The following GCFC2 variants were observed in gnomAD, a reference collection of about 807,000 sequenced individuals.
GCFC2 encodes intron Large complex component GCFC2.
GCFC2 carries 102 observed loss-of-function variants against 99.4 expected under a neutral mutation model. The ratio of observed to expected loss-of-function variants is 1.03; its 90% CI spans 0.87 to 1.21. The LOEUF (loss-of-function observed/expected upper bound fraction) is 1.21. Among genes scored for constraint, GCFC2 ranks in the 50% most tolerant of loss-of-function variants. The probability of loss-of-function intolerance (pLI) is 0.00; values close to 1 mark genes in which losing one functional copy is unlikely to be tolerated. For synonymous variants in GCFC2, 338 were observed against 316.8 expected, an observed-to-expected ratio of 1.07 and a Z score of -0.71; for missense variants, 973 against 920.9, an observed-to-expected ratio of 1.06 and a Z score of -0.73.
chr2:75,705,447 C>A (rs1029554214), intron 2 of GCFC2, among the ~76,000 whole-genome samples: 1 of 151,532 alleles, frequency 6.6e-6, no homozygotes, highest in Non-Finnish European at 1.5e-5. Context: ...CACGGTGAAA[C>A]CCCATCTCTA....
At chr2:75,694,464 A>C in intron 5 of GCFC2, 37 bp from the exon 6 acceptor site, 1 of 830,516 alleles carries the variant, frequency 1.2e-6, no homozygotes. Context: ...TATTTTTCAT[A>C]CTCTTTTAAA....
chr2:75,662,884 T>C lies in GCFC2; in HGVS notation c.*1782A>G, dbSNP rs1678665058. On this transcript the variant is annotated 3_prime_UTR_variant, in exon 17 of 17. Coordinates refer to ENST00000321027, the MANE Select transcript of GCFC2 (RefSeq NM_003203.5). ...AAAAAATTACAAATTTCATGTGCAA[T>C]AAAGTGTCTGCCACTTACGTAAAAA... is the stretch of plus-strand genomic sequence containing the variant. 7.7e-6 allele frequency: 1 copy of C among 130,016 alleles called. No individual in the cohort carries two copies. The highest frequency in any genetic ancestry group is 3.0e-5 in the African/African-American group (1 of 32,868). The allele number at this position is 130,016 out of a possible 1,614,324, so 8.1% of individuals were successfully genotyped here. A position where few individuals can be genotyped will look rare whatever the true frequency, so the allele number is the denominator to read the frequency against.
intron 8 of GCFC2, among the ~76,000 whole-genome samples, 181 bp from the exon 9 acceptor site, chr2:75,690,262 C>T (rs1680004514): frequency 6.6e-6 from 1 of 152,010 alleles, no homozygotes; most frequent in African/African-American, 2.4e-5. Flanking sequence ...TTTTTAGTTT[C>T]ATTAGTTTGA....
At chr2:75,673,213 C>A (rs1679196368) in intron 13 of GCFC2, among the ~76,000 whole-genome samples, 1 of 151,832 alleles carries the variant, frequency 6.6e-6, no homozygotes, top group African/African-American at 2.4e-5. Flanking sequence ...GAGGCTGAGG[C>A]AGGAGAATGG....
intron 9 of GCFC2, 68 bp downstream of exon 9, chr2:75,689,901 A>C: frequency 2.5e-6 from 2 of 814,042 alleles, no homozygotes; most frequent in East Asian, 2.7e-5. Context: ...ATTAAGGGCA[A>C]TCCCAGCAAA....
At chr2:75,672,081 T>A in intron 13 of GCFC2, 65 bp from the exon 14 acceptor site, 2 of 799,500 alleles carry the variant, frequency 2.5e-6, no homozygotes, top group Non-Finnish European at 4.2e-6. Context: ...AGAACCAGAG[T>A]TTAAGATCAG....
intron 10 of GCFC2, 88 bp downstream of exon 10, chr2:75,688,938 G>A: frequency 2.7e-6 from 2 of 729,550 alleles, no homozygotes; most frequent in Non-Finnish European, 4.7e-6. Flanking sequence ...GACTCTAAGG[G>A]TAAGGTATTT....
At chr2:75,679,393 A>C (rs1216531507) in intron 12 of GCFC2, among the ~76,000 whole-genome samples, 1 of 152,180 alleles carries the variant, frequency 6.6e-6, no homozygotes. Context: ...AAATTGGTTT[A>C]CTCATAAAAC....
rs777207850 is a variant in GCFC2 at position 75,702,351 on chromosome 2, T to C, written c.467A>G (p.Tyr156Cys). The stretch of plus-strand genomic sequence containing the variant: ...GGTATGTTGTACATCCAAAGAAATA[T>C]AGTCATCTTGGGCCCTGGCCAATTC... ...KRELARAQDD[Y>C]ISLDVQHTSS... The change falls in exon 3 of 17, where the codon TAT becomes TGT. Residue 156 changes from tyrosine (Y) to cysteine (C), a missense_variant. Transcript: ENST00000321027. 3.1e-6 allele frequency: 5 copies of C among 1,612,568 alleles called. No homozygotes were observed. Among genetic ancestry groups the C allele is most frequent in the Non-Finnish European group, 3.4e-6 (4 of 1,178,532 alleles).
chr2:75,704,365 C>A (rs1297623118), intron 2 of GCFC2, among the ~76,000 whole-genome samples: 1 of 152,200 alleles, frequency 6.6e-6, no homozygotes, highest in African/African-American at 2.4e-5. Context: ...AAAATTAACA[C>A]ATTCCTCCAT....
chr2:75,680,939 C>T (rs1400160948), intron 11 of GCFC2, among the ~76,000 whole-genome samples: 1 of 152,154 alleles, frequency 6.6e-6, no homozygotes, highest in Non-Finnish European at 1.5e-5. Context: ...ATGAGGCACC[C>T]ACACTCCCAC....
At chr2:75,696,355 T>A (rs772096022) in intron 4 of GCFC2, 40 bp from the exon 5 acceptor site, 1 of 869,252 alleles carries the variant, frequency 1.2e-6, no homozygotes, top group African/African-American at 1.7e-5. Context: ...ACCATTTATT[T>A]CATTTACCTT....
In GCFC2 at chr2:75,693,272, C is replaced by T. The variant is rs532707479; in HGVS notation, c.1020+969G>A. Among the ~76,000 whole-genome samples, 24 of 152,158 alleles carry T rather than the reference C, an allele frequency of 1.6e-4. No homozygotes were observed. The South Asian group carries it at 5.0e-3, about 32-fold the overall frequency. ...TGGGCAACATGGCGAAACCCCGTCT[C>T]TACTAAAAATACAAAACATTAGCTG... On this transcript the variant is annotated intron_variant, in intron 6 of 16. Coordinates refer to ENST00000321027, the MANE Select transcript of GCFC2 (RefSeq NM_003203.5).
chr2:75,703,596 G>A (rs1050327564), intron 2 of GCFC2, among the ~76,000 whole-genome samples: 1 of 152,138 alleles, frequency 6.6e-6, no homozygotes, highest in African/African-American at 2.4e-5. Context: ...ATTATTTATA[G>A]ACTACTGTCA....
At chr2:75,672,749 T>C (rs952132073) in intron 13 of GCFC2, among the ~76,000 whole-genome samples, 1 of 152,168 alleles carries the variant, frequency 6.6e-6, no homozygotes, top group African/African-American at 2.4e-5. Context: ...ATCTCCCTAA[T>C]ATCCTGTGAG....
chr2:75,680,069 AAT>A, intron 12 of GCFC2, 122 bp downstream of exon 12: 2 of 677,314 alleles, frequency 3.0e-6, no homozygotes, highest in Admixed American at 6.4e-5. Context: ...ATCAAAAGTA[AAT>A]ATGTTTTCCC....
chr2:75,672,120 CTTAA>C (rs1383572504), intron 13 of GCFC2, 104 bp from the exon 14 acceptor site: 1 of 350,622 alleles, frequency 2.9e-6, no homozygotes, highest in Non-Finnish European at 5.5e-6. Flanking sequence ...CAAACTAAGC[CTTAA>C]TGGAATATAA....
Position 75,710,656 on chromosome 2 carries a change from C to G in GCFC2, c.200G>C (p.Arg67Pro), listed in dbSNP as rs2104443844. The part of the protein sequence containing the change: ...LPHRVRGPRG[R>P]GRVWASSRRA... ...CCGGGAGCTCGCCCAGACCCGGCCCCGGCCACGAGGGCCCCGAACCCGGTG... is the reference window on the plus strand; with the variant it reads ...CCGGGAGCTCGCCCAGACCCGGCCCGGGCCACGAGGGCCCCGAACCCGGTG... Residue 67 changes from arginine to proline, a missense_variant, in exon 1 of 17, where the codon CGG becomes CCG. Arg to Pro is a moderately radical substitution (Grantham distance 103, BLOSUM62 -2). Coordinates refer to ENST00000321027, the MANE Select transcript of GCFC2 (RefSeq NM_003203.5). 2.0e-6 allele frequency: 3 copies of G among 1,518,454 alleles called. No individual in the cohort carries two copies. The highest frequency in any genetic ancestry group is 2.6e-6 in the Non-Finnish European group (3 of 1,139,540). 94.1% of individuals were successfully genotyped at this position (1,518,454 alleles called of 1,614,324 possible).
At chr2:75,679,846 G>C (rs4853169) in intron 12 of GCFC2, 3 of 406,700 alleles carry the variant, frequency 7.4e-6, no homozygotes, top group East Asian at 7.0e-5. Flanking sequence ...TCACTGAACA[G>C]AGAAAAGTAA....
Sources: allele counts gnomAD v4.1 joint callset (sites outside exome capture counted in the v4.1 genomes callset), GRCh38; gene constraint gnomAD v4.1.1; transcripts MANE v1.5; gene names NCBI Gene and HGNC (gene_info 2026-07-23, HGNC 2026-07-21).